FRRS1L: variants seen among roughly 807,000 people sequenced by gnomAD.
The protein encoded by FRRS1L is ferric chelate reductase 1 like, also known as DOMON domain-containing protein FRRS1L.
FRRS1L carries 22 observed loss-of-function variants against 28.6 expected under a neutral mutation model. That is an observed-to-expected ratio of 0.77 (90% CI 0.55 to 1.10). The LOEUF (loss-of-function observed/expected upper bound fraction) is 1.10. Among genes scored for constraint, FRRS1L ranks in the 50% least tolerant of loss-of-function variants. The pLI is 0.00. For missense variants in FRRS1L, 380 were observed against 386.9 expected, an observed-to-expected ratio of 0.98 and a Z score of 0.15; for synonymous variants, 158 against 151.4, an observed-to-expected ratio of 1.04 and a Z score of -0.32.
chr9:109,149,812 C>T (rs1427312295), intron 1 of FRRS1L, 92 bp from the exon 2 acceptor site: 1 of 842,948 alleles, frequency 1.2e-6, no homozygotes, highest in African/African-American at 1.7e-5. Context: ...TTTTCTCACA[C>T]ATATCGAGAA....
At chr9:109,159,301 G>C (rs1312380844) in intron 1 of FRRS1L, among the ~76,000 whole-genome samples, 2 of 151,782 alleles carry the variant, frequency 1.3e-5, no homozygotes, top group Non-Finnish European at 2.9e-5. Flanking sequence ...TGTCAATTTG[G>C]CTGGCCAAAG....
intron 1 of FRRS1L, among the ~76,000 whole-genome samples, chr9:109,164,221 G>A (rs1215454412): frequency 6.6e-6 from 1 of 152,092 alleles, no homozygotes; most frequent in African/African-American, 2.4e-5. Context: ...CCCACCGGAT[G>A]GTGGTAGAAT....
chr9:109,142,873 G>A (rs1002086891), intron 3 of FRRS1L, among the ~76,000 whole-genome samples: 13 of 151,938 alleles, frequency 8.6e-5, no homozygotes, highest in Non-Finnish European at 1.6e-4. Flanking sequence ...TGTTATGTGC[G>A]TTTTACCACA....
chr9:109,167,022 G>GC lies in FRRS1L; in HGVS notation c.116dup (p.Arg40ProfsTer65). ...CCCGCGCGCGTCCCCGGGGTCCCCGGCCCCCCGGGCCCGCACCGTCGTCCG... is the reference window on the plus strand; with the variant it reads ...CCCGCGCGCGTCCCCGGGGTCCCCGGCCCCCCCGGGCCCGCACCGTCGTCCG... On this transcript the variant is annotated frameshift_variant, in exon 1 of 5. Transcript: ENST00000561981. LOFTEE classifies it high-confidence loss of function. 1 of 1,210,470 alleles carries GC rather than the reference G, an allele frequency of 8.3e-7. No individual in the cohort carries two copies. Among genetic ancestry groups the GC allele is most frequent in the Non-Finnish European group, 1.0e-6 (1 of 975,472 alleles). The allele number at this position is 1,210,470 out of a possible 1,614,324, so 75.0% of individuals were successfully genotyped here.
At chr9:109,150,011 C>T (rs1024752681) in intron 1 of FRRS1L, 11 of 257,446 alleles carry the variant, frequency 4.3e-5, no homozygotes, top group Non-Finnish European at 7.5e-5. Context: ...ACGGGCTTAC[C>T]GCTGTCCCCT....
At chr9:109,139,439 G>A (rs1282609568) in intron 4 of FRRS1L, 1 of 152,132 alleles carries the variant, frequency 6.6e-6, no homozygotes, top group Non-Finnish European at 1.5e-5. Context: ...TTTCCAATTG[G>A]TAAAGCAATT....
chr9:109,149,529 A>C, intron 2 of FRRS1L, 107 bp downstream of exon 2: 1 of 722,664 alleles, frequency 1.4e-6, no homozygotes, highest in East Asian at 2.7e-5. Context: ...GAGGTGATCA[A>C]GGAGCTCAGG....
Position 109,166,986 on chromosome 9 carries a change from G to C in FRRS1L, c.153C>G (p.Gly51=). ...GPRGRARGDT[G]ADEAVPRHDS... ...CGTGGCGCGGCACCGCCTCGTCGGC[G>C]CCCGTGTCCCCCCGCGCGCGTCCCC... Residue 51 remains glycine (G), a synonymous_variant, in exon 1 of 5, where the codon GGC becomes GGG. Coordinates refer to ENST00000561981, the MANE Select transcript of FRRS1L (RefSeq NM_014334.4). The C allele has an allele frequency of 3.1e-6, 4 of 1,283,948 alleles. No individual in the cohort carries two copies. The highest frequency in any genetic ancestry group is 3.0e-6 in the Non-Finnish European group (3 of 1,011,628). The allele number at this position is 1,283,948 out of a possible 1,614,324, so 79.5% of individuals were successfully genotyped here.
rs888930181 is a variant in FRRS1L, at chr9:109,167,002, G to A, written c.137C>T (p.Ala46Val). The change falls in exon 1 of 5, where the codon GCG (alanine) becomes GTG (valine). Residue 46 changes from alanine to valine, a missense_variant. By Grantham distance (64) the Ala-to-Val change is moderately conservative (BLOSUM62 0). Coordinates refer to ENST00000561981, the MANE Select transcript of FRRS1L (RefSeq NM_014334.4). ...CTCGTCGGCGCCCGTGTCCCCCCGC[G>A]CGCGTCCCCGGGGTCCCCGGCCCCC... ...GPGGRGPRGR[A>V]RGDTGADEAV... 5.7e-5 allele frequency: 72 copies of A among 1,252,256 alleles called. No homozygotes were observed. The African/African-American group carries it at 8.3e-4, about 14-fold the overall frequency. The allele number at this position is 1,252,256 out of a possible 1,614,324, so 77.6% of individuals were successfully genotyped here.
chr9:109,137,609 T>C lies in FRRS1L; in HGVS notation c.728A>G (p.Asp243Gly), dbSNP rs748851583. 11 of 1,593,418 alleles carry C rather than the reference T, an allele frequency of 6.9e-6. No individual in the cohort carries two copies. Among genetic ancestry groups the C allele is most frequent in the Non-Finnish European group, 9.4e-6 (11 of 1,168,350 alleles). Reference protein sequence around the residue: ...PAIQGSITRHDIDSPPASERV... With the variant: ...PAIQGSITRHGIDSPPASERV... Reference sequence around the variant, plus strand: ...CTCTGAAGCCGGCGGTGAGTCTATATCATGTCGAGTGATAGAGCCTTTAAG... The same window carrying C: ...CTCTGAAGCCGGCGGTGAGTCTATACCATGTCGAGTGATAGAGCCTTTAAG... Residue 243 changes from aspartate (D) to glycine (G), a missense_variant, in exon 5 of 5, where the codon GAT (aspartate) becomes GGT (glycine). By Grantham distance (94) the Asp-to-Gly change is moderately conservative. Transcript: ENST00000561981.
At chr9:109,138,613 T>G (rs1588096093) in intron 4 of FRRS1L, 1 of 152,394 alleles carries the variant, frequency 6.6e-6, no homozygotes, top group South Asian at 2.1e-4. Context: ...CTTGGGAGGC[T>G]GAGGTGGGAG....
At position 109,152,687 on chromosome 9, in the gene FRRS1L, C is replaced by CGGAGGTGGTGGG. The variant is rs1564233316; in HGVS notation, c.239-2968_239-2967insCCCACCACCTCC. ...GGCGTGGTGGTGGGCACCTGTAGTC[C>CGGAGGTGGTGGG]CAGCTACTCAGGAGGCTGAGGCAGG... On this transcript the variant is annotated intron_variant, in intron 1 of 4. Transcript: ENST00000561981. 4.3e-4 allele frequency among the ~76,000 whole-genome samples: 64 copies of CGGAGGTGGTGGG among 150,520 alleles called. 1 individual carries two copies. Among genetic ancestry groups the CGGAGGTGGTGGG allele is most frequent in the Middle Eastern group, 3.4e-3 (1 of 290 alleles).
At chr9:109,148,658 A>G (rs970166411) in intron 2 of FRRS1L, 2 of 152,208 alleles carry the variant, frequency 1.3e-5, no homozygotes, top group Non-Finnish European at 2.9e-5. Flanking sequence ...AGTCAGGAAG[A>G]GATATAATAG....
At chr9:109,155,626 C>T (rs190994687) in intron 1 of FRRS1L, among the ~76,000 whole-genome samples, 19 of 150,046 alleles carry the variant, frequency 1.3e-4, no homozygotes, top group Non-Finnish European at 1.0e-4. Context: ...ATTGCTTGAA[C>T]CTGGGAGGTG....
In FRRS1L at chr9:109,137,081, A is replaced by G. The variant is rs1209697466; in HGVS notation, c.*374T>C. On this transcript the variant is annotated 3_prime_UTR_variant, in exon 5 of 5. Coordinates refer to ENST00000561981, the MANE Select transcript of FRRS1L (RefSeq NM_014334.4). The stretch of plus-strand genomic sequence containing the variant: ...TACTTAGTTCCTTCTCTGCCTTTCT[A>G]TTTGTCATTTCTAGCCAAAGTTATA... 1 of 154,730 alleles carries G rather than the reference A, an allele frequency of 6.5e-6. No individual in the cohort carries two copies. The highest frequency in any genetic ancestry group is 1.4e-5 in the Non-Finnish European group (1 of 69,792). The allele number at this position is 154,730 out of a possible 1,614,324, so 9.6% of individuals were successfully genotyped here.
intron 1 of FRRS1L, among the ~76,000 whole-genome samples, chr9:109,165,685 C>T (rs2118519889): frequency 6.6e-6 from 1 of 152,304 alleles, no homozygotes; most frequent in African/African-American, 2.4e-5. Flanking sequence ...ATTTTACATC[C>T]TCCTTTGTAC....
Position 109,130,596 on chromosome 9 carries a change from A to T in FRRS1L, c.*6859T>A, listed in dbSNP as rs1431931183. The T allele has an allele frequency of 6.6e-6, 1 of 152,246 alleles. No homozygotes were observed. The highest frequency in any genetic ancestry group is 1.5e-5 in the Non-Finnish European group (1 of 68,038). The allele number at this position is 152,246 out of a possible 1,614,324, so 9.4% of individuals were successfully genotyped here. ...ATAAATCTCAAAATTAATCACAAAC[A>T]TTAGGTACACAATTGTTATAAAACA... is the stretch of plus-strand genomic sequence containing the variant. On this transcript the variant is annotated 3_prime_UTR_variant, in exon 5 of 5. Transcript: ENST00000561981.
At chr9:109,147,450 A>G (rs1032144276) in intron 2 of FRRS1L, 17 of 369,786 alleles carry the variant, frequency 4.6e-5, no homozygotes, top group Non-Finnish European at 8.2e-5. Flanking sequence ...CGGTTGCAAC[A>G]GGACTTGAAT....
chr9:109,144,949 T>C (rs1272360387), intron 3 of FRRS1L, among the ~76,000 whole-genome samples: 1 of 152,188 alleles, frequency 6.6e-6, no homozygotes, highest in East Asian at 1.9e-4. Flanking sequence ...CCTCAGTTAG[T>C]GCTACTTTCA....
Sources: allele counts gnomAD v4.1 joint callset (sites outside exome capture counted in the v4.1 genomes callset), GRCh38; gene constraint gnomAD v4.1.1; transcripts MANE v1.5; gene names NCBI Gene and HGNC (gene_info 2026-07-23, HGNC 2026-07-21).